Variants in ARHGEF40 observed in about 807,000 individuals in gnomAD.
The protein encoded by ARHGEF40 is Rho guanine nucleotide exchange factor (GEF) 40.
Under a neutral mutation model 165.9 loss-of-function variants are expected in ARHGEF40, and 98 were observed. That is an observed-to-expected ratio of 0.59 (90% CI 0.50 to 0.70). The LOEUF (loss-of-function observed/expected upper bound fraction) is 0.70. Ranked by LOEUF, ARHGEF40 falls within the 30% of genes least tolerant of loss-of-function variation. ARHGEF40 has a pLI of 0.00. For missense variants in ARHGEF40, 1,815 were observed against 1,968.0 expected, an observed-to-expected ratio of 0.92 and a Z score of 1.47; for synonymous variants, 792 against 814.3, an observed-to-expected ratio of 0.97 and a Z score of 0.47.
chr14:21,084,825 C>A lies in ARHGEF40; in HGVS notation c.3862C>A (p.Leu1288Ile), dbSNP rs1468188923. 6.2e-7 allele frequency: 1 copy of A among 1,614,238 alleles called. No homozygotes were observed. Among genetic ancestry groups the A allele is most frequent in the South Asian group, 1.1e-5 (1 of 91,086 alleles). ...TGTCATCTGTGGCCGAAAGAAGTGC[C>A]TTCGCCATGTCTTTCTCTTCGAGCA... ...FTVICGRKKC[L>I]RHVFLFEHLL... The change falls in exon 18 of 24, where the codon CTT (leucine) becomes ATT (isoleucine). Residue 1288 changes from leucine to isoleucine, a missense_variant. Coordinates refer to ENST00000298694, the MANE Select transcript of ARHGEF40 (RefSeq NM_018071.5).
At position 21,073,853 on chromosome 14, in the gene ARHGEF40, G is replaced by A. The variant is rs1275282958; in HGVS notation, c.202-79G>A. ...CAGGCATAAGGCTGGTCCTGCCTAG[G>A]GTGGGCCCATTCTAACTGCCCTCTC... On this transcript the variant is annotated intron_variant, in intron 2 of 23. Coordinates refer to ENST00000298694, the MANE Select transcript of ARHGEF40 (RefSeq NM_018071.5). This position sits in a 1 kb window ranked among gnomAD's most constrained non-coding sequence, Gnocchi z 4.6. 2.0e-6 allele frequency: 3 copies of A among 1,494,226 alleles called. No individual in the cohort carries two copies. In the African/African-American group the frequency reaches 4.1e-5, roughly 21 times the overall value. The allele number at this position is 1,494,226 out of a possible 1,614,324, so 92.6% of individuals were successfully genotyped here.
chr14:21,067,648 G>C (rs1475704922), upstream of ARHGEF40, among the ~76,000 whole-genome samples: 1 of 152,078 alleles, frequency 6.6e-6, no homozygotes, highest in East Asian at 1.9e-4. Flanking sequence ...TGAATGAGAA[G>C]GCTTCTAAGT....
intron 17 of ARHGEF40, 143 bp downstream of exon 17, chr14:21,084,193 GTCACTGAACT>G (rs1888164701): frequency 1.2e-6 from 1 of 805,666 alleles, no homozygotes; most frequent in African/African-American, 1.7e-5. Flanking sequence ...CCTTGATTGA[GTCACTGAACT>G]TCACTGGACT....
rs983689215 is a variant in ARHGEF40, at chr14:21,073,683, G to A, written c.202-249G>A. ...CATCTGCTGACCATGTCTTGGTAACGATTCAGTTCTTACCCTCCCACACAT... is the reference window on the plus strand; with the variant it reads ...CATCTGCTGACCATGTCTTGGTAACAATTCAGTTCTTACCCTCCCACACAT... On this transcript the variant is annotated intron_variant, in intron 2 of 23. Transcript: ENST00000298694. The surrounding 1 kb of genome is among the most constrained non-coding windows in gnomAD (Gnocchi z 4.6). 6.6e-6 allele frequency among the ~76,000 whole-genome samples: 1 copy of A among 152,082 alleles called. No homozygotes were observed. The highest frequency in any genetic ancestry group is 2.4e-5 in the African/African-American group (1 of 41,384).
chr14:21,064,843 A>C, the ARHGEF40 span, among the ~76,000 whole-genome samples: 3 of 152,164 alleles, frequency 2.0e-5, no homozygotes, highest in African/African-American at 4.8e-5. Context: ...ATAAGCCTAC[A>C]TCTGAGCCAG....
chr14:21,086,916 A>G (rs1472696887), intron 19 of ARHGEF40, 85 bp from the exon 20 acceptor site: 16 of 1,172,378 alleles, frequency 1.4e-5, no homozygotes, highest in African/African-American at 1.7e-5. Context: ...CGAAAAAAAA[A>G]AAAAAAGAAA....
At chr14:21,069,406 G>A (rs770810355), upstream of ARHGEF40, among the ~76,000 whole-genome samples, 90 of 152,210 alleles carry the variant, frequency 5.9e-4, no homozygotes, top group Non-Finnish European at 2.1e-4. Flanking sequence ...GAAGGGGCTG[G>A]CATCCAGTAC....
At position 21,076,636 on chromosome 14, in the gene ARHGEF40, G is replaced by T. The variant is rs1483275165; in HGVS notation, c.1910G>T (p.Gly637Val). The T allele has an allele frequency of 1.2e-6, 2 of 1,614,120 alleles. No homozygotes were observed. The highest frequency in any genetic ancestry group is 1.7e-6 in the Non-Finnish European group (2 of 1,179,986). ...IHDDLPTELCGFQGAEVLSEN... is the reference protein window; with the variant it reads ...IHDDLPTELCVFQGAEVLSEN... The stretch of plus-strand genomic sequence containing the variant: ...GATGACCTTCCAACTGAACTCTGTG[G>T]ATTTCAGGTTTGAGCCCTTCATTCC... The change falls in exon 7 of 24, where the codon GGA becomes GTA. Residue 637 changes from glycine (G) to valine (V), a missense_variant. Coordinates refer to ENST00000298694, the MANE Select transcript of ARHGEF40 (RefSeq NM_018071.5).
At position 21,075,748 on chromosome 14, in the gene ARHGEF40, C is replaced by A; in HGVS notation, c.1722C>A (p.Tyr574Ter). 6.2e-7 allele frequency: 1 copy of A among 1,613,408 alleles called. No homozygotes were observed. The highest frequency in any genetic ancestry group is 8.5e-7 in the Non-Finnish European group (1 of 1,179,872). ...SRDTLNTTLHYLHSLLRPDLQ... is the reference protein window; with the variant it reads ...SRDTLNTTLH Reference sequence around the variant, plus strand: ...ACACGCTGAACACAACTCTTCATTACCTCCACTCACTGCTCAGGTAACCGA... The same window carrying A: ...ACACGCTGAACACAACTCTTCATTAACTCCACTCACTGCTCAGGTAACCGA... The change falls in exon 5 of 24, where the codon TAC becomes TAA. Residue 574 changes from tyrosine (Y) to a stop codon, truncating the protein, a stop_gained. Coordinates refer to ENST00000298694, the MANE Select transcript of ARHGEF40 (RefSeq NM_018071.5). LOFTEE classifies it high-confidence loss of function. This position sits in a 1 kb window ranked among gnomAD's most constrained non-coding sequence, Gnocchi z 4.5.
the ARHGEF40 span, among the ~76,000 whole-genome samples, chr14:21,062,708 A>AGTGTGTGTGTGTGTGTGTGTGTGTGT: frequency 2.7e-3 from 359 of 131,022 alleles, 2 homozygotes; most frequent in East Asian, 8.3e-3. Flanking sequence ...GGCTGGGCAC[A>AGTGTGTGTGTGTGTGTGTGTGTGTGT]GTGTGTGTGT....
chr14:21,073,903 T>G lies in ARHGEF40; in HGVS notation c.202-29T>G. On this transcript the variant is annotated intron_variant, in intron 2 of 23. Transcript: ENST00000298694. The surrounding 1 kb of genome is among the most constrained non-coding windows in gnomAD (Gnocchi z 4.6). ...CCTGCTGGTTTCTTCAGCAGAGGCC[T>G]GAGTGCAGCCTCCCACCTCTCTCCC... 1 of 1,570,246 alleles carries G rather than the reference T, an allele frequency of 6.4e-7. No individual in the cohort carries two copies. The highest frequency in any genetic ancestry group is 8.6e-7 in the Non-Finnish European group (1 of 1,163,042).
intron 1 of ARHGEF40, among the ~76,000 whole-genome samples, chr14:21,071,558 G>T (rs1223177777): frequency 1.3e-5 from 2 of 152,182 alleles, no homozygotes; most frequent in African/African-American, 4.8e-5. Flanking sequence ...GTCCCCGCCG[G>T]CAGGAGGCTG....
Position 21,081,169 on chromosome 14 carries a change from G to T in ARHGEF40, c.2640+153G>T, listed in dbSNP as rs369686724. On this transcript the variant is annotated intron_variant, in intron 13 of 23. Transcript: ENST00000298694. ...AGCTCTGCCACCTCCTTGCTGAATG[G>T]CATGGGGCAAGATACTAAACCTGAC... 8.5e-5 allele frequency: 108 copies of T among 1,264,118 alleles called. No individual in the cohort carries two copies. The East Asian group carries it at 2.5e-3, about 30-fold the overall frequency. 78.3% of individuals were successfully genotyped at this position (1,264,118 alleles called of 1,614,324 possible).
rs1421134667 is a variant in ARHGEF40, at chr14:21,072,013, G to C, written c.4-1032G>C. Among the ~76,000 whole-genome samples, 1 of 152,192 alleles carries C rather than the reference G, an allele frequency of 6.6e-6. No individual in the cohort carries two copies. Among genetic ancestry groups the C allele is most frequent in the African/African-American group, 2.4e-5 (1 of 41,426 alleles). ...AAGGTATGGGGGTAGGGAAGGTAGA[G>C]ACCAAGGTAAAGGCTGCATTGAGTA... On this transcript the variant is annotated intron_variant, in intron 1 of 23. Transcript: ENST00000298694. This position sits in a 1 kb window ranked among gnomAD's most constrained non-coding sequence, Gnocchi z 4.1.
chr14:21,084,017 C>A lies in ARHGEF40; in HGVS notation c.3756C>A (p.Asp1252Glu), dbSNP rs775615775. Reference sequence around the variant, plus strand: ...GGGAACAAGAGGCCCGTGGCAGAGACCTGCTGGCCGTGGAGGCGGTGCGTG... The same window carrying A: ...GGGAACAAGAGGCCCGTGGCAGAGAACTGCTGGCCGTGGAGGCGGTGCGTG... ...LLREQEARGR[D>E]LLAVEAVRGC... The change falls in exon 17 of 24, where the codon GAC becomes GAA. Residue 1252 changes from aspartate (D) to glutamate (E), a missense_variant. Coordinates refer to ENST00000298694, the MANE Select transcript of ARHGEF40 (RefSeq NM_018071.5). 6.2e-7 allele frequency: 1 copy of A among 1,611,768 alleles called. No individual in the cohort carries two copies. Among genetic ancestry groups the A allele is most frequent in the African/African-American group, 1.3e-5 (1 of 74,994 alleles).
upstream of ARHGEF40, among the ~76,000 whole-genome samples, chr14:21,065,976 G>C (rs536403193): frequency 2.2e-3 from 340 of 152,312 alleles, no homozygotes; most frequent in Admixed American, 4.7e-3. Context: ...GTGCAAGCCT[G>C]TAAACCCAAC....
At chr14:21,085,965 A>T (rs1483807297) in intron 19 of ARHGEF40, 99 bp downstream of exon 19, 1 of 1,326,076 alleles carries the variant, frequency 7.5e-7, no homozygotes, top group Non-Finnish European at 1.0e-6. Context: ...AGTTTATAGG[A>T]TGAAGAAAGA....
At position 21,073,087 on chromosome 14, in the gene ARHGEF40, G is replaced by A. The variant is rs777872320; in HGVS notation, c.46G>A (p.Ala16Thr). ...VEDCVQSTLAALYPPFEATAP... is the reference protein window; with the variant it reads ...VEDCVQSTLATLYPPFEATAP... The stretch of plus-strand genomic sequence containing the variant: ...GGACTGTGTGCAGAGCACTCTCGCC[G>A]CCCTGTATCCACCCTTTGAGGCAAC... The change falls in exon 2 of 24, where the codon GCC becomes ACC. Residue 16 changes from alanine to threonine, a missense_variant. Transcript: ENST00000298694. This position sits in a 1 kb window ranked among gnomAD's most constrained non-coding sequence, Gnocchi z 4.6. 44 of 1,614,008 alleles carry A rather than the reference G, an allele frequency of 2.7e-5. No individual in the cohort carries two copies. The highest frequency in any genetic ancestry group is 4.0e-5 in the African/African-American group (3 of 74,896).
intron 22 of ARHGEF40, 59 bp from the exon 23 acceptor site, chr14:21,088,771 A>G: frequency 5.8e-6 from 9 of 1,547,666 alleles, no homozygotes; most frequent in South Asian, 1.1e-5. Flanking sequence ...GAATGGAGGA[A>G]AAGAGAGAGA....
Sources: gnomAD v4.1 joint callset for allele counts (sites outside exome capture counted in the v4.1 genomes callset) on GRCh38, gnomAD v4.1.1 for gene constraint, Gnocchi (gnomAD v3.1) non-coding constraint, MANE v1.5 for transcripts, NCBI Gene and HGNC (gene_info 2026-07-23, HGNC 2026-07-21) for gene names.